SGCD: variants seen among roughly 807,000 people sequenced by gnomAD.
SGCD encodes the protein delta-sarcoglycan.
In SGCD, 18 loss-of-function variants were observed where a neutral mutation model predicts 36.6. The observed-to-expected ratio is 0.49, with a 90% CI of 0.34 to 0.73. The LOEUF (loss-of-function observed/expected upper bound fraction) is 0.73. Among genes scored for constraint, SGCD ranks in the 30% least tolerant of loss-of-function variants. The probability of loss-of-function intolerance (pLI) is 0.01; values close to 1 mark genes in which losing one functional copy is unlikely to be tolerated. For missense variants in SGCD, 387 were observed against 346.7 expected (o/e 1.12, Z -0.92); for synonymous variants, 133 against 130.6 (o/e 1.02, Z -0.12).
intron 3 of SGCD, among the ~76,000 whole-genome samples, chr5:156,282,038 A>T (rs1482291285): frequency 6.6e-6 from 1 of 152,084 alleles, no homozygotes; most frequent in African/African-American, 2.4e-5. Context: ...ATCCAAAAAA[A>T]AAAACTTCTG....
At chr5:156,465,066 C>G (rs1052708119) in intron 3 of SGCD, among the ~76,000 whole-genome samples, 2 of 152,108 alleles carry the variant, frequency 1.3e-5, no homozygotes, top group Non-Finnish European at 2.9e-5. Flanking sequence ...TTACTGGACA[C>G]TCATCCACAG....
chr5:156,676,569 A>G (rs564122027), intron 7 of SGCD, among the ~76,000 whole-genome samples: 1 of 152,246 alleles, frequency 6.6e-6, no homozygotes, highest in East Asian at 1.9e-4. Context: ...GGACCTCAAG[A>G]CAAGGTAAGC....
At chr5:156,416,709 A>G (rs1435686689) in intron 3 of SGCD, among the ~76,000 whole-genome samples, 2 of 152,140 alleles carry the variant, frequency 1.3e-5, no homozygotes, top group African/African-American at 4.8e-5. Flanking sequence ...CCTTTGTTCT[A>G]CTGATGTCCT....
intron 3 of SGCD, among the ~76,000 whole-genome samples, chr5:156,316,810 A>T (rs1318158874): frequency 6.6e-6 from 1 of 152,126 alleles, no homozygotes; most frequent in African/African-American, 2.4e-5. Context: ...ATTAAAGAGT[A>T]CATTGTCAAA....
At chr5:156,579,142 C>T (rs928569868) in intron 4 of SGCD, among the ~76,000 whole-genome samples, 2 of 152,026 alleles carry the variant, frequency 1.3e-5, no homozygotes, top group East Asian at 1.9e-4. Context: ...AAAGAACATC[C>T]TTATTTCTGC....
At chr5:156,253,043 A>G (rs1406155127) in intron 3 of SGCD, among the ~76,000 whole-genome samples, 1 of 152,218 alleles carries the variant, frequency 6.6e-6, no homozygotes, top group Non-Finnish European at 1.5e-5. Flanking sequence ...CAAGTAGTAA[A>G]AACCCATACA....
chr5:156,257,490 T>A (rs561152779), intron 3 of SGCD, among the ~76,000 whole-genome samples: 2 of 151,704 alleles, frequency 1.3e-5, no homozygotes, highest in Admixed American at 1.3e-4. Context: ...AATAAATAAA[T>A]AAAAATGAGA....
At chr5:156,665,295 C>T (rs376138762) in intron 7 of SGCD, among the ~76,000 whole-genome samples, 278 of 152,030 alleles carry the variant, frequency 1.8e-3, no homozygotes, top group Middle Eastern at 0.01. Flanking sequence ...CTAATTTTAA[C>T]GTTTCAGGAT....
chr5:156,118,940 A>G (rs1403021207), intron 2 of SGCD, among the ~76,000 whole-genome samples: 4 of 152,296 alleles, frequency 2.6e-5, no homozygotes, highest in Non-Finnish European at 5.9e-5. Flanking sequence ...TTGGACACCT[A>G]GATGCCCAGA....
At chr5:156,465,261 T>C (rs1754671221) in intron 3 of SGCD, among the ~76,000 whole-genome samples, 1 of 152,162 alleles carries the variant, frequency 6.6e-6, no homozygotes, top group African/African-American at 2.4e-5. Flanking sequence ...TGTGTATGAA[T>C]TACTGGGGAG....
chr5:156,661,403 A>G lies in SGCD; in HGVS notation c.575+13867A>G, dbSNP rs1242151710. Among the ~76,000 whole-genome samples the G allele has an allele frequency of 6.6e-4, 83 of 124,934 alleles. No individual in the cohort carries two copies. The Middle Eastern group carries it at 0.028, about 42-fold the overall frequency. The allele number at this position is 124,934 out of a possible 152,430, so 82.0% of individuals were successfully genotyped here. ...GCTGGTTTAACTGATCATCCATGCT[A>G]TATTTAATTAGAGCTGTCTCAACAT... On this transcript the variant is annotated intron_variant, in intron 7 of 8. Coordinates refer to ENST00000337851, the MANE Select transcript of SGCD (RefSeq NM_000337.6).
chr5:155,788,245 A>G, the SGCD span, among the ~76,000 whole-genome samples: 1 of 152,184 alleles, frequency 6.6e-6, no homozygotes, highest in South Asian at 2.1e-4. Context: ...TTTCTTAAAT[A>G]GTTTAAGTAT....
At chr5:156,524,265 TTATA>T (rs1757556841) in intron 4 of SGCD, among the ~76,000 whole-genome samples, 1 of 124,832 alleles carries the variant, frequency 8.0e-6, no homozygotes, top group Non-Finnish European at 1.7e-5. Flanking sequence ...AAACTATAGT[TTATA>T]TATAGTAATA....
the SGCD span, among the ~76,000 whole-genome samples, chr5:155,746,018 CACAT>C: frequency 1.3e-5 from 2 of 152,062 alleles, no homozygotes; most frequent in Non-Finnish European, 2.9e-5. Context: ...CTGCAGTTGA[CACAT>C]ACCGAAATAT....
rs540738346 is a variant in SGCD, at chr5:156,636,156, T to A, written c.503-11308T>A. 3.9e-5 allele frequency among the ~76,000 whole-genome samples: 6 copies of A among 152,252 alleles called. No homozygotes were observed. The South Asian group carries it at 1.2e-3, about 32-fold the overall frequency. On this transcript the variant is annotated intron_variant, in intron 6 of 8. Transcript: ENST00000337851. ...ATTTGACTGCACTAAACTGGAGTGA[T>A]TACAGGAGAAAATGAAGCTGGTAGA...
intron 7 of SGCD, among the ~76,000 whole-genome samples, chr5:156,741,709 T>C (rs960451325): frequency 6.6e-6 from 1 of 152,098 alleles, no homozygotes; most frequent in Non-Finnish European, 1.5e-5. Context: ...TGTCTAACTA[T>C]AGAAATGACA....
chr5:156,486,760 T>G (rs1755685846), intron 3 of SGCD, among the ~76,000 whole-genome samples: 1 of 152,066 alleles, frequency 6.6e-6, no homozygotes, highest in African/African-American at 2.4e-5. Context: ...CACGTGCATG[T>G]GCCTCCTGAA....
At chr5:156,577,123 G>A (rs548398346) in intron 4 of SGCD, among the ~76,000 whole-genome samples, 32 of 152,280 alleles carry the variant, frequency 2.1e-4, no homozygotes, top group African/African-American at 4.1e-4. Context: ...TCCAGTTTCA[G>A]CTTTCTACAT....
chr5:155,728,676 C>T, the SGCD span, among the ~76,000 whole-genome samples: 2 of 152,108 alleles, frequency 1.3e-5, no homozygotes, highest in Non-Finnish European at 2.9e-5. Flanking sequence ...CCTTGTCTAT[C>T]CCGGAGGGCG....
Sources: allele counts gnomAD v4.1 joint callset (sites outside exome capture counted in the v4.1 genomes callset), GRCh38; gene constraint gnomAD v4.1.1; transcripts MANE v1.5; gene names NCBI Gene and HGNC (gene_info 2026-07-23, HGNC 2026-07-21).